Variants in MFHAS1 observed in about 807,000 individuals in gnomAD.
MFHAS1 encodes multifunctional ROCO family signaling regulator 1, also known as malignant fibrous histiocytoma-amplified sequence 1.
A neutral mutation model predicts 70.4 loss-of-function variants in MFHAS1; 50 were observed. The ratio of observed to expected loss-of-function variants is 0.71; its 90% CI spans 0.57 to 0.90. The LOEUF (loss-of-function observed/expected upper bound fraction) is 0.90, where lower values mean the gene tolerates loss of function less well. Ranked by LOEUF, MFHAS1 falls within the 40% of genes least tolerant of loss-of-function variation. The pLI is 0.00. For synonymous variants in MFHAS1, 952 were observed against 620.0 expected (o/e 1.54, Z -7.96); for missense variants, 1,795 against 1,347.6 (o/e 1.33, Z -5.20).
chr8:8,884,698 C>T (rs1809683232), intron 1 of MFHAS1, among the ~76,000 whole-genome samples: 1 of 152,174 alleles, frequency 6.6e-6, no homozygotes, highest in African/African-American at 2.4e-5. Flanking sequence ...GGCATGGTGG[C>T]TCAAGCCTAT....
chr8:8,827,764 G>C (rs1479976664), intron 1 of MFHAS1, among the ~76,000 whole-genome samples: 1 of 152,006 alleles, frequency 6.6e-6, no homozygotes, highest in African/African-American at 2.4e-5. Context: ...TTTCTTTACA[G>C]CTTCTGTGTT....
At position 8,892,785 on chromosome 8, in the gene MFHAS1, G is replaced by C; in HGVS notation, c.274C>G (p.Leu92Val). The C allele has an allele frequency of 6.3e-7, 1 of 1,584,674 alleles. No individual in the cohort carries two copies. Among genetic ancestry groups the C allele is most frequent in the Non-Finnish European group, 8.6e-7 (1 of 1,165,968 alleles). Residue 92 changes from leucine to valine, a missense_variant, in exon 1 of 3, where the codon CTG becomes GTG. Leu to Val is a conservative substitution (Grantham distance 32, BLOSUM62 1). Transcript: ENST00000276282. The surrounding 1 kb of genome is among the most constrained non-coding windows in gnomAD (Gnocchi z 4.7). ...LGSALGSLRV[L>V]VLRRNRFARL... ...GCGAAGCGGTTCCTGCGCAGGACCA[G>C]GACGCGCAGGCTGCCCAGCGCCGAC...
At chr8:8,846,358 A>C (rs1357946051) in intron 1 of MFHAS1, among the ~76,000 whole-genome samples, 1 of 111,954 alleles carries the variant, frequency 8.9e-6, no homozygotes, top group African/African-American at 3.7e-5. Flanking sequence ...GAGGAGGGGG[A>C]GGAGGAGAAG....
chr8:8,869,510 TAAAG>T (rs1052078586), intron 1 of MFHAS1, among the ~76,000 whole-genome samples: 13 of 152,162 alleles, frequency 8.5e-5, no homozygotes, highest in African/African-American at 2.9e-4. Flanking sequence ...ATTTAAGAAA[TAAAG>T]AACCTTATTC....
At chr8:8,886,273 G>T (rs1563221081) in intron 1 of MFHAS1, among the ~76,000 whole-genome samples, 1 of 151,408 alleles carries the variant, frequency 6.6e-6, no homozygotes, top group Non-Finnish European at 1.5e-5. Context: ...TCAAGTGATT[G>T]TCCCACCTCA....
intron 1 of MFHAS1, among the ~76,000 whole-genome samples, chr8:8,871,411 A>G (rs1032304236): frequency 8.5e-5 from 13 of 152,172 alleles, no homozygotes; most frequent in African/African-American, 3.1e-4. Flanking sequence ...TTAGCTGGGC[A>G]TGGTGGCACA....
At chr8:8,862,367 G>C (rs1180495100) in intron 1 of MFHAS1, among the ~76,000 whole-genome samples, 1 of 145,976 alleles carries the variant, frequency 6.9e-6, no homozygotes, top group Non-Finnish European at 1.5e-5. Context: ...ATGTTTAACT[G>C]GGTTGTCTCA....
At position 8,872,175 on chromosome 8, in the gene MFHAS1, G is replaced by C. The variant is rs75606324; in HGVS notation, c.2998+17886C>G. Among the ~76,000 whole-genome samples, 1,176 of 152,304 alleles carry C rather than the reference G, an allele frequency of 7.7e-3. 21 individuals carry two copies. The highest frequency in any genetic ancestry group is 0.027 in the African/African-American group (1,127 of 41,548). Reference sequence around the variant, plus strand: ...CTGTGCACGGATATGAACAAAGCCAGCGACACACCACCAGATTCTTCAAAA... The same window carrying C: ...CTGTGCACGGATATGAACAAAGCCACCGACACACCACCAGATTCTTCAAAA... On this transcript the variant is annotated intron_variant, in intron 1 of 2. Coordinates refer to ENST00000276282, the MANE Select transcript of MFHAS1 (RefSeq NM_004225.3).
chr8:8,841,214 A>T (rs1221717414), intron 1 of MFHAS1, among the ~76,000 whole-genome samples: 1 of 152,036 alleles, frequency 6.6e-6, no homozygotes, highest in Non-Finnish European at 1.5e-5. Flanking sequence ...GTGGCTCACA[A>T]CCGTAATCCT....
rs576936394 is a variant in MFHAS1, at chr8:8,785,900, C to T, written c.*122G>A. On this transcript the variant is annotated 3_prime_UTR_variant, in exon 3 of 3. Transcript: ENST00000276282. ...TCGTCCAAAAAGCACCCTGCAAGCA[C>T]GCGTTGTCACTCAAGTTCACAGAAC... is the stretch of plus-strand genomic sequence containing the variant. 1.0e-4 allele frequency: 90 copies of T among 865,604 alleles called. 1 individual carries two copies. Among genetic ancestry groups the T allele is most frequent in the South Asian group, 9.7e-4 (66 of 68,248 alleles). The allele number at this position is 865,604 out of a possible 1,614,324, so 53.6% of individuals were successfully genotyped here.
At chr8:8,799,285 G>A (rs1563179201) in intron 1 of MFHAS1, among the ~76,000 whole-genome samples, 2 of 152,118 alleles carry the variant, frequency 1.3e-5, no homozygotes, top group Non-Finnish European at 2.9e-5. Context: ...ATAATATACT[G>A]TATTAATAAT....
intron 1 of MFHAS1, among the ~76,000 whole-genome samples, chr8:8,809,590 G>A (rs1417491550): frequency 1.3e-5 from 2 of 152,248 alleles, no homozygotes; most frequent in Non-Finnish European, 2.9e-5. Context: ...GCTCGCTAAG[G>A]GTTTATATAA....
At chr8:8,878,468 T>C (rs1009339136) in intron 1 of MFHAS1, among the ~76,000 whole-genome samples, 1 of 152,286 alleles carries the variant, frequency 6.6e-6, no homozygotes, top group East Asian at 1.9e-4. Context: ...ACGTCAACAT[T>C]GTCACCTCTT....
At chr8:8,865,276 C>CAAAAAAAA (rs35910015) in intron 1 of MFHAS1, among the ~76,000 whole-genome samples, 7 of 64,708 alleles carry the variant, frequency 1.1e-4, no homozygotes, top group Non-Finnish European at 1.4e-4. Flanking sequence ...GACTCCATCT[C>CAAAAAAAA]AAAAAAAAAA....
chr8:8,847,278 T>C (rs1808071201), intron 1 of MFHAS1, among the ~76,000 whole-genome samples: 1 of 152,166 alleles, frequency 6.6e-6, no homozygotes, highest in African/African-American at 2.4e-5. Flanking sequence ...ACCTCCCAGG[T>C]TGAAGTGATT....
At position 8,786,118 on chromosome 8, in the gene MFHAS1, C is replaced by A. The variant is rs1032055909; in HGVS notation, c.3126-63G>T. 9 of 1,414,178 alleles carry A rather than the reference C, an allele frequency of 6.4e-6. No individual in the cohort carries two copies. In the Admixed American group the frequency reaches 1.3e-4, roughly 21 times the overall value. The allele number at this position is 1,414,178 out of a possible 1,614,324, so 87.6% of individuals were successfully genotyped here. On this transcript the variant is annotated intron_variant, in intron 2 of 2. Transcript: ENST00000276282. ...AAAACGTACTGGACAATGCTACCCT[C>A]AATAAGAAAAGGAAGTGATGATAGA...
At position 8,829,106 on chromosome 8, in the gene MFHAS1, C is replaced by G. The variant is rs150771223; in HGVS notation, c.2999-31615G>C. Among the ~76,000 whole-genome samples the G allele has an allele frequency of 1.5e-3, 234 of 152,322 alleles. 1 individual carries two copies. The highest frequency in any genetic ancestry group is 2.6e-3 in the Non-Finnish European group (176 of 68,016). Reference sequence around the variant, plus strand: ...CCCTGCCCACTTTCCCAGCTCCTTGCTACTTTAACATAAGGAAATCAAACT... The same window carrying G: ...CCCTGCCCACTTTCCCAGCTCCTTGGTACTTTAACATAAGGAAATCAAACT... On this transcript the variant is annotated intron_variant, in intron 1 of 2. Transcript: ENST00000276282.
intron 1 of MFHAS1, among the ~76,000 whole-genome samples, chr8:8,870,859 G>A (rs1402539182): frequency 6.6e-6 from 1 of 152,142 alleles, no homozygotes; most frequent in African/African-American, 2.4e-5. Context: ...CCCAGCAAAT[G>A]TTTATAGTCC....
In MFHAS1 at chr8:8,890,425, C is replaced by G; in HGVS notation, c.2634G>C (p.Glu878Asp). Residue 878 changes from glutamate (E) to aspartate (D), a missense_variant, in exon 1 of 3, where the codon GAG (glutamate) becomes GAC (aspartate). Coordinates refer to ENST00000276282, the MANE Select transcript of MFHAS1 (RefSeq NM_004225.3). Reference protein sequence around the residue: ...TNLAGQSFVAEQLQIEYSFPF... With the variant: ...TNLAGQSFVADQLQIEYSFPF... ...GAAAGCTATATTCAATCTGCAACTG[C>G]TCAGCCACAAAAGACTGCCCAGCTA... is the stretch of plus-strand genomic sequence containing the variant. 1 of 1,614,002 alleles carries G rather than the reference C, an allele frequency of 6.2e-7. No homozygotes were observed. The highest frequency in any genetic ancestry group is 1.1e-5 in the South Asian group (1 of 91,080).
Sources: gnomAD v4.1 joint callset for allele counts (sites outside exome capture counted in the v4.1 genomes callset) on GRCh38, gnomAD v4.1.1 for gene constraint, Gnocchi (gnomAD v3.1) non-coding constraint, MANE v1.5 for transcripts, NCBI Gene and HGNC (gene_info 2026-07-23, HGNC 2026-07-21) for gene names.